Variants in DCLK2 observed in about 807,000 individuals in gnomAD.
DCLK2 encodes the protein serine/threonine-protein kinase DCLK2.
In DCLK2, 31 loss-of-function variants were observed where a neutral mutation model predicts 78.4. The ratio of observed to expected loss-of-function variants is 0.40; its 90% CI spans 0.30 to 0.53. The LOEUF (loss-of-function observed/expected upper bound fraction) is 0.53, where lower values mean the gene tolerates loss of function less well. DCLK2 is among the 20% of genes least tolerant of loss of function. The probability of loss-of-function intolerance (pLI) is 0.61; values close to 1 mark genes in which losing one functional copy is unlikely to be tolerated. For missense variants in DCLK2, 872 were observed against 973.7 expected, an observed-to-expected ratio of 0.90 and a Z score of 1.39; for synonymous variants, 407 against 374.9, an observed-to-expected ratio of 1.09 and a Z score of -0.99.
intron 2 of DCLK2, among the ~76,000 whole-genome samples, chr4:150,156,746 TTTATTTATTTA>T (rs1735306427): frequency 3.1e-5 from 1 of 32,628 alleles, no homozygotes; most frequent in African/African-American, 1.3e-4. Flanking sequence ...AACTATTTTA[TTTATTTATTTA>T]TTTATTTATT....
chr4:150,223,396 A>G (rs77041341), intron 7 of DCLK2, among the ~76,000 whole-genome samples: 1,551 of 152,344 alleles, frequency 0.01, 28 homozygotes, highest in African/African-American at 0.035. Context: ...TGCTTTTTCT[A>G]TACTCAAAGA....
chr4:150,131,224 A>G (rs763886331), intron 2 of DCLK2, among the ~76,000 whole-genome samples: 29 of 152,218 alleles, frequency 1.9e-4, no homozygotes, highest in Admixed American at 1.4e-3. Context: ...ATGGCAGCTC[A>G]CCATTGTGTT....
At chr4:150,167,405 T>G (rs1208975816) in intron 2 of DCLK2, among the ~76,000 whole-genome samples, 4 of 152,234 alleles carry the variant, frequency 2.6e-5, no homozygotes, top group African/African-American at 9.6e-5. Flanking sequence ...TGCACCAGTG[T>G]CAGCCAGATC....
intron 2 of DCLK2, among the ~76,000 whole-genome samples, chr4:150,117,228 G>A (rs1395009666): frequency 6.6e-6 from 1 of 152,086 alleles, no homozygotes; most frequent in Non-Finnish European, 1.5e-5. Context: ...TGGGGAGTGG[G>A]GAATAGCAGA....
At chr4:150,236,410 C>T (rs1163941008) in intron 10 of DCLK2, among the ~76,000 whole-genome samples, 1 of 152,164 alleles carries the variant, frequency 6.6e-6, no homozygotes, top group South Asian at 2.1e-4. Flanking sequence ...AACCTGAGTG[C>T]TGTGCGCCTC....
At chr4:150,204,951 T>A (rs1392809875) in intron 5 of DCLK2, among the ~76,000 whole-genome samples, 1 of 152,034 alleles carries the variant, frequency 6.6e-6, no homozygotes, top group Non-Finnish European at 1.5e-5. Flanking sequence ...TGGTAATGAA[T>A]TCTGAGAATA....
intron 3 of DCLK2, among the ~76,000 whole-genome samples, chr4:150,194,711 T>C (rs58813780): frequency 0.02 from 3,089 of 152,246 alleles, 92 homozygotes; most frequent in African/African-American, 0.066. Context: ...GATCCTCCTC[T>C]TTAATTTTAT....
chr4:150,232,586 T>C, intron 9 of DCLK2, 96 bp from the exon 10 acceptor site: 2 of 1,524,488 alleles, frequency 1.3e-6, no homozygotes, highest in Non-Finnish European at 1.8e-6. Flanking sequence ...TAGTGGCACT[T>C]GTGTCATTCT....
intron 15 of DCLK2, among the ~76,000 whole-genome samples, chr4:150,255,772 G>A (rs1010295588): frequency 7.9e-5 from 12 of 152,178 alleles, no homozygotes; most frequent in Admixed American, 3.3e-4. Flanking sequence ...GAGAGAAGAC[G>A]ACAGACATCC....
intron 1 of DCLK2, among the ~76,000 whole-genome samples, chr4:150,099,773 G>A (rs1730760342): frequency 6.6e-6 from 1 of 152,154 alleles, no homozygotes; most frequent in South Asian, 2.1e-4. Flanking sequence ...CAGAGAAGAG[G>A]GTGAGGCTAT....
chr4:150,151,005 G>C (rs1200096171), intron 2 of DCLK2, among the ~76,000 whole-genome samples: 1 of 152,212 alleles, frequency 6.6e-6, no homozygotes, highest in Non-Finnish European at 1.5e-5. Context: ...GGCTTCTCTG[G>C]GTTGGCAGTG....
chr4:150,173,926 G>A (rs1181674611), intron 2 of DCLK2, among the ~76,000 whole-genome samples: 1 of 152,124 alleles, frequency 6.6e-6, no homozygotes, highest in African/African-American at 2.4e-5. Flanking sequence ...TGATTTAAGA[G>A]GGAAGGATTG....
intron 2 of DCLK2, chr4:150,175,652 A>C (rs908703109): frequency 6.6e-6 from 1 of 152,188 alleles, no homozygotes; most frequent in African/African-American, 2.4e-5. Flanking sequence ...TCTTTGTCCC[A>C]GGCCTCACAG....
intron 2 of DCLK2, among the ~76,000 whole-genome samples, chr4:150,105,359 C>A (rs1731181045): frequency 6.6e-6 from 1 of 151,148 alleles, no homozygotes; most frequent in Non-Finnish European, 1.5e-5. Context: ...GAATAAAAGT[C>A]TAAACAATTT....
rs565787633 is a variant in DCLK2, at chr4:150,148,394, T to TA, written c.757-44743dup. ...GAAAATTCATGTCTTTTTTTTTTTT[T>TA]ATGTTTTTAAAAATGGAGGTCTTGC... On this transcript the variant is annotated intron_variant, in intron 2 of 15. Transcript: ENST00000296550. Among the ~76,000 whole-genome samples, 39 of 140,498 alleles carry TA rather than the reference T, an allele frequency of 2.8e-4. 1 individual carries two copies. In the South Asian group the frequency reaches 8.2e-3, roughly 30 times the overall value. 92.2% of individuals were successfully genotyped at this position (140,498 alleles called of 152,430 possible). A position where few individuals can be genotyped will look rare whatever the true frequency, so the allele number is the denominator to read the frequency against.
At chr4:150,105,550 A>G (rs62339914) in intron 2 of DCLK2, among the ~76,000 whole-genome samples, 20,842 of 152,092 alleles carry the variant, frequency 0.14, 1,838 homozygotes, top group Non-Finnish European at 0.19. Context: ...AAGCTTTATG[A>G]AAAGCATTTT....
chr4:150,238,203 A>G (rs577765129), intron 10 of DCLK2, among the ~76,000 whole-genome samples: 3 of 152,236 alleles, frequency 2.0e-5, no homozygotes, highest in South Asian at 2.1e-4. Flanking sequence ...TGAGTATTTT[A>G]TATGTAATTT....
intron 5 of DCLK2, among the ~76,000 whole-genome samples, chr4:150,215,318 G>A (rs58147233): frequency 0.079 from 12,032 of 152,062 alleles, 1,547 homozygotes; most frequent in African/African-American, 0.27. Flanking sequence ...CTACCTGGAG[G>A]TAGCATCAGA....
chr4:150,109,689 A>G lies in DCLK2; in HGVS notation c.756+6877A>G, dbSNP rs113618042. ...CTAGACAACTGAGTTTTGTCTTACT[A>G]AATACATTCGCACTTGCAAAGTGTG... On this transcript the variant is annotated intron_variant, in intron 2 of 15. Coordinates refer to ENST00000296550, the MANE Select transcript of DCLK2 (RefSeq NM_001040260.4). Among the ~76,000 whole-genome samples the G allele has an allele frequency of 2.8e-3, 426 of 152,290 alleles. 2 individuals are homozygous for G. The highest frequency in any genetic ancestry group is 0.01 in the African/African-American group (420 of 41,554).
Sources: gnomAD v4.1 joint callset for allele counts (sites outside exome capture counted in the v4.1 genomes callset) on GRCh38, gnomAD v4.1.1 for gene constraint, MANE v1.5 for transcripts, NCBI Gene and HGNC (gene_info 2026-07-23, HGNC 2026-07-21) for gene names.